The following ABAT variants were observed in gnomAD, a reference collection of about 807,000 sequenced individuals.
The protein encoded by ABAT is 4-aminobutyrate aminotransferase, mitochondrial.
ABAT carries 45 observed loss-of-function variants against 64.6 expected under a neutral mutation model. That is an observed-to-expected ratio of 0.70 (90% CI 0.55 to 0.89). ABAT has a LOEUF of 0.89. Among genes scored for constraint, ABAT ranks in the 40% least tolerant of loss-of-function variants. The pLI is 0.00. For missense variants in ABAT, 633 were observed against 658.4 expected, an observed-to-expected ratio of 0.96 and a Z score of 0.42; for synonymous variants, 297 against 250.5, an observed-to-expected ratio of 1.19 and a Z score of -1.75.
chr16:8,779,356 C>A, intron 14 of ABAT, 123 bp from the exon 15 acceptor site: 1 of 794,100 alleles, frequency 1.3e-6, no homozygotes, highest in Non-Finnish European at 2.2e-6. Flanking sequence ...CCCTGGAGGT[C>A]CTGCCAGTCC....
At chr16:8,681,771 AGCTGGGATTACAGGCACCC>A (rs1031274335) in intron 1 of ABAT, among the ~76,000 whole-genome samples, 6 of 151,464 alleles carry the variant, frequency 4.0e-5, no homozygotes, top group African/African-American at 1.5e-4. Flanking sequence ...CATCCTGAGT[AGCTGGGATTACAGGCACCC>A]GCCACCACAC....
At chr16:8,749,470 C>G (rs2059419799) in intron 4 of ABAT, among the ~76,000 whole-genome samples, 1 of 133,570 alleles carries the variant, frequency 7.5e-6, no homozygotes, top group South Asian at 2.5e-4. Flanking sequence ...ACAATCTCGG[C>G]TCACTGCAAC....
intron 4 of ABAT, among the ~76,000 whole-genome samples, chr16:8,748,361 T>C (rs865884368): frequency 6.6e-6 from 1 of 152,272 alleles, no homozygotes; most frequent in Non-Finnish European, 1.5e-5. Flanking sequence ...CTTTCTGTTA[T>C]TGATTTCTAG....
At chr16:8,719,267 T>C (rs2058297940) in intron 1 of ABAT, among the ~76,000 whole-genome samples, 1 of 152,228 alleles carries the variant, frequency 6.6e-6, no homozygotes, top group African/African-American at 2.4e-5. Flanking sequence ...TACTTCAGCA[T>C]GGGTCCAAGC....
intron 14 of ABAT, among the ~76,000 whole-genome samples, chr16:8,778,077 T>G (rs762871852): frequency 1.9e-4 from 29 of 152,138 alleles, no homozygotes; most frequent in Non-Finnish European, 4.0e-4. Flanking sequence ...CTCCCCCAAC[T>G]CAGCCCCCAG....
chr16:8,762,143 C>T (rs952080468), intron 6 of ABAT, among the ~76,000 whole-genome samples: 1 of 152,154 alleles, frequency 6.6e-6, no homozygotes, highest in African/African-American at 2.4e-5. Context: ...GGATTATAGG[C>T]GTGAGCCACT....
chr16:8,716,153 G>A (rs1338233767), intron 1 of ABAT, among the ~76,000 whole-genome samples: 1 of 152,128 alleles, frequency 6.6e-6, no homozygotes, highest in Admixed American at 6.6e-5. Flanking sequence ...TTCCAGTGGA[G>A]AAAACAGAGG....
intron 1 of ABAT, among the ~76,000 whole-genome samples, chr16:8,734,406 AAT>A (rs1436207578): frequency 1.3e-5 from 2 of 151,806 alleles, no homozygotes; most frequent in Non-Finnish European, 2.9e-5. Context: ...TTGCAAAATA[AAT>A]AGAGGGATTT....
chr16:8,721,208 G>A (rs540514797), intron 1 of ABAT, among the ~76,000 whole-genome samples: 5 of 152,226 alleles, frequency 3.3e-5, no homozygotes, highest in African/African-American at 1.2e-4. Flanking sequence ...GCAAGATTGG[G>A]GAGATGCAGG....
At chr16:8,675,744 A>G (rs2057183491) in intron 1 of ABAT, among the ~76,000 whole-genome samples, 1 of 152,158 alleles carries the variant, frequency 6.6e-6, no homozygotes, top group South Asian at 2.1e-4. Context: ...CAGGACCAGC[A>G]GAGACCACCC....
chr16:8,746,532 C>A (rs1283746533), intron 3 of ABAT, among the ~76,000 whole-genome samples: 29 of 151,666 alleles, frequency 1.9e-4, no homozygotes, highest in Admixed American at 1.8e-3. Flanking sequence ...AGGCACGCAC[C>A]ACCACGCCTG....
At chr16:8,730,420 C>T (rs1282598269) in intron 1 of ABAT, among the ~76,000 whole-genome samples, 2 of 152,194 alleles carry the variant, frequency 1.3e-5, no homozygotes, top group Non-Finnish European at 2.9e-5. Flanking sequence ...GTGCCTGATT[C>T]TCCACACTAT....
At chr16:8,745,351 A>G (rs148952454) in intron 2 of ABAT, among the ~76,000 whole-genome samples, 2 of 152,190 alleles carry the variant, frequency 1.3e-5, no homozygotes, top group African/African-American at 4.8e-5. Context: ...TGGTCCCATT[A>G]TTTTCTTAGG....
Position 8,764,865 on chromosome 16 carries a change from AGGCTCCC to A in ABAT, c.540+36_540+42del. On this transcript the variant is annotated intron_variant, in intron 8 of 15. Coordinates refer to ENST00000268251, the MANE Select transcript of ABAT (RefSeq NM_020686.6). The surrounding 1 kb of genome is among the most constrained non-coding windows in gnomAD (Gnocchi z 4.2). Reference sequence around the variant, plus strand: ...GGGGCACACACACACACACACACACAGGCTCCCCAGCACCCAGCCACACGCTCACCCC... The same window carrying A: ...GGGGCACACACACACACACACACACACAGCACCCAGCCACACGCTCACCCC... 2.6e-6 allele frequency: 4 copies of A among 1,523,420 alleles called. No homozygotes were observed. The highest frequency in any genetic ancestry group is 1.1e-5 in the South Asian group (1 of 89,092). The allele number at this position is 1,523,420 out of a possible 1,614,324, so 94.4% of individuals were successfully genotyped here.
chr16:8,778,785 AAAAC>A (rs2060343529), intron 14 of ABAT, among the ~76,000 whole-genome samples: 1 of 151,896 alleles, frequency 6.6e-6, no homozygotes, highest in South Asian at 2.1e-4. Context: ...TCAAAAAAAA[AAAAC>A]AAAAAACAAA....
chr16:8,682,903 G>A (rs554099351), intron 1 of ABAT, among the ~76,000 whole-genome samples: 1 of 152,156 alleles, frequency 6.6e-6, no homozygotes, highest in South Asian at 2.1e-4. Context: ...TATCCCCTGG[G>A]GTGATTTGTG....
chr16:8,687,776 G>T (rs1009821261), intron 1 of ABAT, among the ~76,000 whole-genome samples: 2 of 152,200 alleles, frequency 1.3e-5, no homozygotes, highest in African/African-American at 4.8e-5. Context: ...GAGTGCCCGG[G>T]AGCCAGTGAT....
rs760104923 is a variant in ABAT, at chr16:8,781,206, GAT to G, written c.1382-102_1382-101del. 3.2e-6 allele frequency: 5 copies of G among 1,561,968 alleles called. No homozygotes were observed. The South Asian group carries it at 5.6e-5, about 17-fold the overall frequency. ...ATGGAGGATGATGGATGGATGGATG[GAT>G]GGATGGATGAGCGTTGCCAACAGGC... On this transcript the variant is annotated intron_variant, in intron 15 of 15. Transcript: ENST00000268251. This position sits in a 1 kb window ranked among gnomAD's most constrained non-coding sequence, Gnocchi z 4.5.
intron 1 of ABAT, among the ~76,000 whole-genome samples, chr16:8,723,841 T>A (rs1466126240): frequency 5.6e-5 from 6 of 106,288 alleles, no homozygotes; most frequent in Non-Finnish European, 9.4e-5. Flanking sequence ...TTTTTTTTTT[T>A]TTTTTTTTTT....
Sources: gnomAD v4.1 joint callset for allele counts (sites outside exome capture counted in the v4.1 genomes callset) on GRCh38, gnomAD v4.1.1 for gene constraint, Gnocchi (gnomAD v3.1) non-coding constraint, MANE v1.5 for transcripts, NCBI Gene and HGNC (gene_info 2026-07-23, HGNC 2026-07-21) for gene names.